The following NAALADL2 variants were observed in gnomAD, a reference collection of about 807,000 sequenced individuals.
The protein encoded by NAALADL2 is N-acetylated alpha-linked acidic dipeptidase like 2, also known as inactive N-acetylated-alpha-linked acidic dipeptidase-like protein 2.
Under a neutral mutation model 87.2 loss-of-function variants are expected in NAALADL2, and 76 were observed. That is an observed-to-expected ratio of 0.87 (90% confidence interval 0.72 to 1.05). The LOEUF is 1.05. Ranked by LOEUF, NAALADL2 falls within the 50% of genes least tolerant of loss-of-function variation. The pLI is 0.00. For missense variants in NAALADL2, 1,089 were observed against 945.8 expected, an observed-to-expected ratio of 1.15 and a Z score of -1.99; for synonymous variants, 354 against 331.0, an observed-to-expected ratio of 1.07 and a Z score of -0.75.
At chr3:174,741,634 T>C (rs1335263421) in intron 3 of NAALADL2, among the ~76,000 whole-genome samples, 5 of 151,612 alleles carry the variant, frequency 3.3e-5, no homozygotes, top group African/African-American at 9.7e-5. Context: ...TAAAAAGCCA[T>C]GAAGAGCTGA....
intron 11 of NAALADL2, among the ~76,000 whole-genome samples, chr3:175,688,840 AC>A (rs1297891822): frequency 6.6e-6 from 1 of 152,172 alleles, no homozygotes; most frequent in Non-Finnish European, 1.5e-5. Context: ...AAAGGGAGGC[AC>A]CTGGGCTGAC....
intron 5 of NAALADL2, among the ~76,000 whole-genome samples, chr3:175,326,545 A>G (rs139363023): frequency 1.9e-4 from 29 of 152,226 alleles, no homozygotes; most frequent in African/African-American, 7.0e-4. Flanking sequence ...TCTGGTTTCA[A>G]TTTTCTTACT....
intron 1 of NAALADL2, among the ~76,000 whole-genome samples, chr3:174,466,225 T>C (rs1320107400): frequency 6.6e-6 from 1 of 152,134 alleles, no homozygotes; most frequent in East Asian, 1.9e-4. Context: ...AAGACGGCTT[T>C]GAATGTGGCC....
chr3:175,613,973 C>T (rs924118403), intron 10 of NAALADL2, among the ~76,000 whole-genome samples: 1 of 152,012 alleles, frequency 6.6e-6, no homozygotes, highest in Non-Finnish European at 1.5e-5. Flanking sequence ...AAACATATAC[C>T]TTTTACACAT....
intron 2 of NAALADL2, among the ~76,000 whole-genome samples, chr3:174,610,459 A>T (rs1440781102): frequency 3.3e-5 from 5 of 152,120 alleles, no homozygotes; most frequent in Admixed American, 3.3e-4. Flanking sequence ...GAACTCCAAC[A>T]AATTTACAAG....
chr3:175,305,560 T>C (rs1381791072), intron 4 of NAALADL2, among the ~76,000 whole-genome samples: 3 of 152,146 alleles, frequency 2.0e-5, no homozygotes, highest in Non-Finnish European at 4.4e-5. Flanking sequence ...TTTGCTCTTG[T>C]TGTCCAGGCT....
intron 2 of NAALADL2, among the ~76,000 whole-genome samples, chr3:175,104,708 A>G (rs994099373): frequency 1.3e-5 from 2 of 152,184 alleles, no homozygotes; most frequent in Non-Finnish European, 2.9e-5. Context: ...AATTCAGTGT[A>G]TGCAAACGAT....
intron 4 of NAALADL2, among the ~76,000 whole-genome samples, chr3:175,316,668 G>A (rs1182098989): frequency 1.3e-5 from 2 of 152,132 alleles, no homozygotes; most frequent in African/African-American, 4.8e-5. Context: ...CCCAGAGACA[G>A]CAGATTTCAC....
At chr3:175,504,411 G>C (rs1165046993) in intron 9 of NAALADL2, among the ~76,000 whole-genome samples, 1 of 152,140 alleles carries the variant, frequency 6.6e-6, no homozygotes, top group Non-Finnish European at 1.5e-5. Flanking sequence ...GTAAGTTGAA[G>C]CTCTAGCCCC....
intron 2 of NAALADL2, among the ~76,000 whole-genome samples, chr3:175,123,961 A>G (rs9290534): frequency 0.6 from 91,224 of 151,208 alleles, 27,991 homozygotes; most frequent in African/African-American, 0.73. Flanking sequence ...GCAAAGGGAT[A>G]GTTTTTTTCC....
At chr3:174,823,172 AAGTGTTTGG>A (rs769995113) in intron 3 of NAALADL2, among the ~76,000 whole-genome samples, 1 of 151,990 alleles carries the variant, frequency 6.6e-6, no homozygotes, top group Non-Finnish European at 1.5e-5. Context: ...TCTTTGTCCC[AAGTGTTTGG>A]AGTTTTCCTT....
chr3:175,422,118 A>T (rs1028102924), intron 5 of NAALADL2, among the ~76,000 whole-genome samples: 1 of 152,132 alleles, frequency 6.6e-6, no homozygotes, highest in East Asian at 1.9e-4. Context: ...GTATTCGTGT[A>T]GATGATTTTT....
intron 2 of NAALADL2, among the ~76,000 whole-genome samples, chr3:174,591,242 G>C (rs1014930843): frequency 2.6e-5 from 4 of 152,046 alleles, no homozygotes; most frequent in African/African-American, 9.7e-5. Context: ...TTCTAACCTG[G>C]CCTTCCATAT....
At chr3:175,567,008 T>A (rs1582430936) in intron 9 of NAALADL2, among the ~76,000 whole-genome samples, 1 of 152,322 alleles carries the variant, frequency 6.6e-6, no homozygotes, top group East Asian at 1.9e-4. Flanking sequence ...CACTACAATT[T>A]TATGATTTAG....
At chr3:174,592,327 G>A (rs910167933) in intron 2 of NAALADL2, among the ~76,000 whole-genome samples, 1 of 152,140 alleles carries the variant, frequency 6.6e-6, no homozygotes, top group Non-Finnish European at 1.5e-5. Flanking sequence ...ATCTAAACAT[G>A]TGTATGTCTC....
chr3:174,746,531 G>A (rs1057055783), intron 3 of NAALADL2, among the ~76,000 whole-genome samples: 2 of 151,666 alleles, frequency 1.3e-5, no homozygotes, highest in Non-Finnish European at 2.9e-5. Context: ...ATTCAGTGGT[G>A]TTCCCATTAA....
chr3:175,425,741 A>G lies in NAALADL2; in HGVS notation c.1091-21488A>G, dbSNP rs191919872. Among the ~76,000 whole-genome samples, 272 of 152,286 alleles carry G rather than the reference A, an allele frequency of 1.8e-3. 2 individuals are homozygous for G. Among genetic ancestry groups the G allele is most frequent in the African/African-American group, 5.8e-3 (239 of 41,554 alleles). ...GTAATAACATTTTCCACTGTTTCCTAGATAATTTTATCCTACATTGAAAAC... is the reference window on the plus strand; with the variant it reads ...GTAATAACATTTTCCACTGTTTCCTGGATAATTTTATCCTACATTGAAAAC... On this transcript the variant is annotated intron_variant, in intron 5 of 13. Coordinates refer to ENST00000454872, the MANE Select transcript of NAALADL2 (RefSeq NM_207015.3).
At chr3:174,445,141 A>T (rs1320466634) in intron 1 of NAALADL2, among the ~76,000 whole-genome samples, 2 of 152,060 alleles carry the variant, frequency 1.3e-5, no homozygotes, top group African/African-American at 4.8e-5. Flanking sequence ...CTCTGCCCTC[A>T]ATTTACCATT....
chr3:174,739,945 C>T (rs1190102093), intron 3 of NAALADL2, among the ~76,000 whole-genome samples: 1 of 151,980 alleles, frequency 6.6e-6, no homozygotes, highest in Non-Finnish European at 1.5e-5. Flanking sequence ...GAAATGTTAG[C>T]AGTTAAAGTA....
Sources: allele counts gnomAD v4.1 joint callset (sites outside exome capture counted in the v4.1 genomes callset), GRCh38; gene constraint gnomAD v4.1.1; transcripts MANE v1.5; gene names NCBI Gene and HGNC (gene_info 2026-07-23, HGNC 2026-07-21).